Variants in BCLAF3 observed in about 807,000 individuals in gnomAD.
BCLAF3 encodes BCLAF1 and THRAP3 family member 3.
BCLAF3 carries 24 observed loss-of-function variants against 51.2 expected under a neutral mutation model. That is an observed-to-expected ratio of 0.47 (90% CI 0.34 to 0.66). The LOEUF (loss-of-function observed/expected upper bound fraction) is 0.66. Among genes scored for constraint, BCLAF3 ranks in the 30% least tolerant of loss-of-function variants. The pLI, the probability that BCLAF3 is intolerant of heterozygous loss-of-function variation, is 0.01. For missense variants in BCLAF3, 465 were observed against 525.1 expected (o/e 0.89, Z 1.12); for synonymous variants, 152 against 176.6 (o/e 0.86, Z 1.10).
At chrX:19,945,926 A>C (rs2147855621) in intron 8 of BCLAF3, among the ~76,000 whole-genome samples, 1 of 107,943 alleles carries the variant, frequency 9.3e-6, no homozygotes, top group South Asian at 4.0e-4. Flanking sequence ...AATCAGCGAG[A>C]TTCCGTGGGC....
chrX:19,959,607 G>A (rs922036236), intron 4 of BCLAF3, among the ~76,000 whole-genome samples: 3 of 104,220 alleles, frequency 2.9e-5, no homozygotes, highest in Non-Finnish European at 5.9e-5. Flanking sequence ...ACCTCATCTC[G>A]ACTAAAAATA....
In BCLAF3 at chrX:19,959,009, A is replaced by G. The variant is rs977904363; in HGVS notation, c.1275-3443T>C. ...CTCTGGCGGCCAGAACTGGGCTGCC[A>G]GCCCTCTCCTATCAGCTGATAATGT... On this transcript the variant is annotated intron_variant, in intron 4 of 11. Transcript: ENST00000379682. 3.6e-5 allele frequency among the ~76,000 whole-genome samples: 4 copies of G among 112,278 alleles called. No homozygotes were observed. The East Asian group carries it at 1.1e-3, about 31-fold the overall frequency.
intron 6 of BCLAF3, among the ~76,000 whole-genome samples, chrX:19,953,306 C>T (rs952854354): frequency 2.7e-5 from 3 of 111,524 alleles, no homozygotes; most frequent in Non-Finnish European, 5.6e-5. Flanking sequence ...TGGTGATATA[C>T]TGCATTCTCA....
chrX:19,925,021 T>C (rs1281378599), intron 11 of BCLAF3, among the ~76,000 whole-genome samples: 1 of 111,131 alleles, frequency 9.0e-6, no homozygotes, highest in Non-Finnish European at 1.9e-5. Context: ...AAAAGGGACT[T>C]AGGGTGCCAC....
intron 1 of BCLAF3, among the ~76,000 whole-genome samples, chrX:19,981,068 TG>T (rs2072596878): frequency 9.1e-6 from 1 of 110,212 alleles, no homozygotes; most frequent in Non-Finnish European, 1.9e-5. Flanking sequence ...ACACAATAGG[TG>T]GGTTTAAGGG....
Position 19,966,510 on chromosome X carries a change from G to A in BCLAF3, c.181C>T (p.Pro61Ser). 1 of 1,211,102 alleles carries A rather than the reference G, an allele frequency of 8.3e-7. No homozygotes were observed. Among genetic ancestry groups the A allele is most frequent in the South Asian group, 1.8e-5 (1 of 56,985 alleles). ...MDSEKHGQSK[P>S]RIPSRGNIYY... ...ATATTTCCACGAGAGGGAATCCTTG[G>A]TTTACTCTGTCCATGTTTCTCACTG... is the stretch of plus-strand genomic sequence containing the variant. The change falls in exon 3 of 12, where the codon CCA (proline) becomes TCA (serine). Residue 61 changes from proline to serine, a missense_variant. Pro to Ser is a moderately conservative substitution (Grantham distance 74, BLOSUM62 -1). Transcript: ENST00000379682.
At chrX:19,934,881 G>A (rs1453410607) in intron 10 of BCLAF3, among the ~76,000 whole-genome samples, 1 of 111,878 alleles carries the variant, frequency 8.9e-6, no homozygotes, top group Non-Finnish European at 1.9e-5. Context: ...TTGTGAGCAA[G>A]GAGACAGAAA....
intron 11 of BCLAF3, among the ~76,000 whole-genome samples, chrX:19,917,612 T>C (rs1219870250): frequency 8.9e-6 from 1 of 111,800 alleles, no homozygotes; most frequent in Admixed American, 9.6e-5. Flanking sequence ...GCTATTTGGG[T>C]GAGTTTCAGT....
At position 19,991,028 on chromosome X, in the gene BCLAF3, C is replaced by T. The variant is rs2072914048; in HGVS notation, c.-155G>A. Reference sequence around the variant, plus strand: ...GCCGCCTCCCACAGCAGCGACACCCCAGCCACCTCTGCCGGGCCGCGGGAC... The same window carrying T: ...GCCGCCTCCCACAGCAGCGACACCCTAGCCACCTCTGCCGGGCCGCGGGAC... On this transcript the variant is annotated 5_prime_UTR_variant, in exon 1 of 12. Coordinates refer to ENST00000379682, the MANE Select transcript of BCLAF3 (RefSeq NM_001367774.2). Among the ~76,000 whole-genome samples the T allele has an allele frequency of 1.8e-5, 2 of 108,971 alleles. No homozygotes were observed. Among genetic ancestry groups the T allele is most frequent in the Admixed American group, 1.9e-4 (2 of 10,506 alleles). The allele number at this position is 108,971 out of a possible 115,157, so 94.6% of individuals were successfully genotyped here. A position where few individuals can be genotyped will look rare whatever the true frequency, so the allele number is the denominator to read the frequency against.
chrX:19,954,920 G>A (rs1045290696), intron 5 of BCLAF3, among the ~76,000 whole-genome samples: 2 of 111,824 alleles, frequency 1.8e-5, no homozygotes, highest in African/African-American at 6.5e-5. Context: ...CAGTTATAAA[G>A]AATGCCAAAG....
At chrX:19,968,049 G>C (rs2072118981) in intron 2 of BCLAF3, among the ~76,000 whole-genome samples, 1 of 112,620 alleles carries the variant, frequency 8.9e-6, no homozygotes, top group Non-Finnish European at 1.9e-5. Context: ...CTGGCAGCCA[G>C]AGTCAAAGGT....
chrX:19,938,153 T>C (rs1159828234), intron 8 of BCLAF3, among the ~76,000 whole-genome samples: 1 of 111,114 alleles, frequency 9.0e-6, no homozygotes, highest in East Asian at 2.8e-4. Context: ...TCCTCTGATC[T>C]CCAAAGCCTC....
chrX:19,951,595 C>CAAAAAAAAAAAAA (rs58442337), intron 7 of BCLAF3, among the ~76,000 whole-genome samples: 2 of 38,016 alleles, frequency 5.3e-5, no homozygotes, highest in African/African-American at 1.3e-4. Context: ...GACTCTGTCG[C>CAAAAAAAAAAAAA]AAAAAAAAAA....
At chrX:19,976,716 A>C (rs1822842131) in intron 1 of BCLAF3, among the ~76,000 whole-genome samples, 1 of 111,941 alleles carries the variant, frequency 8.9e-6, no homozygotes, top group Non-Finnish European at 1.9e-5. Flanking sequence ...CTACCTGCGA[A>C]AATTTTCTCC....
intron 11 of BCLAF3, among the ~76,000 whole-genome samples, chrX:19,923,984 G>A (rs1168771896): frequency 9.1e-6 from 1 of 110,352 alleles, no homozygotes; most frequent in Admixed American, 9.8e-5. Context: ...TGGGATTGTA[G>A]AGATAGGGTT....
intron 1 of BCLAF3, among the ~76,000 whole-genome samples, chrX:19,975,327 C>CT (rs1411990568): frequency 2.2e-4 from 23 of 102,886 alleles, no homozygotes; most frequent in South Asian, 4.1e-4. Context: ...GTTCTTTTTT[C>CT]TTTTTTTTTT....
chrX:19,921,722 C>G (rs1283566377), intron 11 of BCLAF3, among the ~76,000 whole-genome samples: 2 of 107,863 alleles, frequency 1.9e-5, no homozygotes, highest in Non-Finnish European at 3.8e-5. Flanking sequence ...AAAAATTGGC[C>G]AGGCGTGGTA....
chrX:19,980,050 G>C (rs1368350830), intron 1 of BCLAF3, among the ~76,000 whole-genome samples: 1 of 111,500 alleles, frequency 9.0e-6, no homozygotes, highest in Non-Finnish European at 1.9e-5. Context: ...ACAAACAATA[G>C]AACTAAACTA....
intron 9 of BCLAF3, among the ~76,000 whole-genome samples, chrX:19,936,433 G>A (rs1294630037): frequency 8.9e-6 from 1 of 111,774 alleles, no homozygotes; most frequent in Admixed American, 9.5e-5. Context: ...TCCTCTGGTG[G>A]AGACAGAAAA....
Sources: allele counts gnomAD v4.1 joint callset (sites outside exome capture counted in the v4.1 genomes callset), GRCh38; gene constraint gnomAD v4.1.1; transcripts MANE v1.5; gene names NCBI Gene and HGNC (gene_info 2026-07-23, HGNC 2026-07-21).